The following EPS8L2 variants were observed in gnomAD, a reference collection of about 807,000 sequenced individuals.
EPS8L2 encodes the protein epidermal growth factor receptor kinase substrate 8-like protein 2.
In EPS8L2, 81 loss-of-function variants were observed where a neutral mutation model predicts 99.4. That is an observed-to-expected ratio of 0.82 (90% CI 0.68 to 0.98). The LOEUF is 0.98. Ranked by LOEUF, EPS8L2 falls within the 50% of genes least tolerant of loss-of-function variation. The probability of loss-of-function intolerance (pLI) is 0.00; values close to 1 mark genes in which losing one functional copy is unlikely to be tolerated. For missense variants in EPS8L2, 1,155 were observed against 968.8 expected (o/e 1.19, Z -2.55); for synonymous variants, 509 against 407.3 (o/e 1.25, Z -3.01).
chr11:726,036 C>A (rs1249731337), intron 17 of EPS8L2, 62 bp from the exon 18 acceptor site: 1 of 1,052,162 alleles, frequency 9.5e-7, no homozygotes, highest in Admixed American at 2.5e-5. Flanking sequence ...GGGGAGGTCC[C>A]GGGCAGGTGC....
chr11:711,729 A>T (rs1035877537), intron 4 of EPS8L2, among the ~76,000 whole-genome samples: 3 of 152,104 alleles, frequency 2.0e-5, no homozygotes, highest in African/African-American at 7.2e-5. Flanking sequence ...CACGCCTGTA[A>T]TCCCAGCACT....
intron 4 of EPS8L2, among the ~76,000 whole-genome samples, chr11:714,803 TA>T (rs1469104272): frequency 3.9e-5 from 6 of 152,020 alleles, no homozygotes; most frequent in Non-Finnish European, 5.9e-5. Flanking sequence ...GATGTGGTAA[TA>T]TTGTTGTTAG....
At chr11:723,070 CT>C (rs1365876317) in intron 14 of EPS8L2, among the ~76,000 whole-genome samples, 170 bp from the exon 15 acceptor site, 1 of 133,778 alleles carries the variant, frequency 7.5e-6, no homozygotes, top group African/African-American at 3.0e-5. Flanking sequence ...TCAGCTGCCC[CT>C]AGCCCCTGCC....
At chr11:723,449 AAGT>A in intron 15 of EPS8L2, 96 bp downstream of exon 15, 1 of 533,118 alleles carries the variant, frequency 1.9e-6, no homozygotes, top group Non-Finnish European at 3.3e-6. Context: ...AGGTGGTGGC[AAGT>A]GCATTGTTCA....
At chr11:725,967 C>G in intron 17 of EPS8L2, 120 bp downstream of exon 17, 1 of 1,359,200 alleles carries the variant, frequency 7.4e-7, no homozygotes, top group Non-Finnish European at 9.8e-7. Context: ...GTGCAGGGCT[C>G]CCTGGGCAGA....
intron 12 of EPS8L2, 38 bp downstream of exon 12, chr11:722,203 G>C: frequency 6.3e-7 from 1 of 1,596,408 alleles, no homozygotes; most frequent in South Asian, 1.1e-5. Flanking sequence ...GCAGGGTGGG[G>C]GCCCAGAGGC....
At chr11:718,177 A>G (rs1862069274) in intron 4 of EPS8L2, among the ~76,000 whole-genome samples, 1 of 151,908 alleles carries the variant, frequency 6.6e-6, no homozygotes, top group Admixed American at 6.6e-5. Context: ...TACTAAAAAT[A>G]CAAAAATTAG....
chr11:715,900 A>G (rs577969486), intron 4 of EPS8L2, among the ~76,000 whole-genome samples: 22 of 151,100 alleles, frequency 1.5e-4, no homozygotes, highest in African/African-American at 3.9e-4. Context: ...GATTACAGGC[A>G]TGAGCCACCG....
At chr11:717,211 G>T (rs929569235) in intron 4 of EPS8L2, among the ~76,000 whole-genome samples, 2 of 152,168 alleles carry the variant, frequency 1.3e-5, no homozygotes, top group Non-Finnish European at 1.5e-5. Flanking sequence ...TCCTGACCTT[G>T]TGATCCACCT....
At position 721,356 on chromosome 11, in the gene EPS8L2, G is replaced by T. The variant is rs1395075247; in HGVS notation, c.768+4G>T. On this transcript the variant is annotated splice_donor_region_variant and intron_variant, in intron 9 of 20. Transcript: ENST00000318562. ...TCAGAAGATAGAGAAGGAGACGGTG[G>T]GTGCCCGGGCCCGGCAGGTGGCCCC... 11 of 1,538,346 alleles carry T rather than the reference G, an allele frequency of 7.2e-6. No homozygotes were observed. Among genetic ancestry groups the T allele is most frequent in the Non-Finnish European group, 8.7e-6 (10 of 1,145,716 alleles).
At position 726,931 on chromosome 11, in the gene EPS8L2, C is replaced by T; in HGVS notation, c.2098C>T (p.Leu700Phe). Residue 700 changes from leucine to phenylalanine, a missense_variant, in exon 21 of 21, where the codon CTC becomes TTC. Transcript: ENST00000318562. ...GCAAAGTGGGTCGGAGCTGGAAGAA[C>T]TCATGAACAAGTTTCATTCCATGAA... ...KQQSGSELEE[L>F]MNKFHSMNQR... 6.2e-7 allele frequency: 1 copy of T among 1,613,426 alleles called. No individual in the cohort carries two copies. The highest frequency in any genetic ancestry group is 8.5e-7 in the Non-Finnish European group (1 of 1,179,936).
Position 722,124 on chromosome 11 carries a change from G to A in EPS8L2, c.1018G>A (p.Ala340Thr), listed in dbSNP as rs1365953557. ...GCAGAAGCACATCCAGAACCCCAGC[G>A]CCGCGGAGCTCGTGCACTTCCTCTT... ...KLQKHIQNPS[A>T]AELVHFLFGP... The change falls in exon 12 of 21, where the codon GCC (alanine) becomes ACC (threonine). Residue 340 changes from alanine to threonine, a missense_variant. Coordinates refer to ENST00000318562, the MANE Select transcript of EPS8L2 (RefSeq NM_022772.4). 1.9e-6 allele frequency: 3 copies of A among 1,612,862 alleles called. No homozygotes were observed. The highest frequency in any genetic ancestry group is 3.3e-5 in the Admixed American group (2 of 59,994).
In EPS8L2 at chr11:724,804, C is replaced by T. The variant is rs759877698; in HGVS notation, c.1535C>T (p.Ser512Leu). ...DFTARNANEL[S>L]VLKDEVLEVL... ...ACAGCCCGAAATGCCAACGAGCTAT[C>T]GGTGCTCAAGGATGAGGTCCTAGAG... is the stretch of plus-strand genomic sequence containing the variant. Residue 512 changes from serine to leucine, a missense_variant, in exon 16 of 21, where the codon TCG (serine) becomes TTG (leucine). Transcript: ENST00000318562. The surrounding 1 kb of genome is among the most constrained non-coding windows in gnomAD (Gnocchi z 5.5). The T allele has an allele frequency of 8.7e-6, 14 of 1,613,340 alleles. No individual in the cohort carries two copies. Among genetic ancestry groups the T allele is most frequent in the Non-Finnish European group, 1.2e-5 (14 of 1,179,714 alleles).
rs577218572 is a variant in EPS8L2 at position 720,293 on chromosome 11, C to T, written c.327+70C>T. On this transcript the variant is annotated intron_variant, in intron 5 of 20. Coordinates refer to ENST00000318562, the MANE Select transcript of EPS8L2 (RefSeq NM_022772.4). ...GCGGTGGCAGCCACCGGCTGCAGCC[C>T]GGATGTGCGGCCGGTCCTCTCTGCA... 55 of 1,526,520 alleles carry T rather than the reference C, an allele frequency of 3.6e-5. 1 individual carries two copies. The East Asian group carries it at 5.0e-4, about 14-fold the overall frequency. 94.6% of individuals were successfully genotyped at this position (1,526,520 alleles called of 1,614,324 possible). A position where few individuals can be genotyped will look rare whatever the true frequency, so the allele number is the denominator to read the frequency against.
chr11:725,832 C>A lies in EPS8L2; in HGVS notation c.1665C>A (p.Gly555=). 2 of 1,384,930 alleles carry A rather than the reference C, an allele frequency of 1.4e-6. No individual in the cohort carries two copies. Among genetic ancestry groups the A allele is most frequent in the Non-Finnish European group, 1.9e-6 (2 of 1,074,986 alleles). The allele number at this position is 1,384,930 out of a possible 1,614,324, so 85.8% of individuals were successfully genotyped here. Residue 555 remains glycine, a synonymous_variant, in exon 17 of 21, where the codon GGC becomes GGA. Transcript: ENST00000318562. Reference sequence around the variant, plus strand: ...GCGAGGCGCGACCGGAGGACGCCGGCGCCCCGTTCGAGCAGGTGAGCCCGC... The same window carrying A: ...GCGAGGCGCGACCGGAGGACGCCGGAGCCCCGTTCGAGCAGGTGAGCCCGC... ...ILGEARPEDA[G]APFEQAGQKY...
intron 4 of EPS8L2, among the ~76,000 whole-genome samples, chr11:714,339 C>T (rs942748727): frequency 1.3e-5 from 2 of 151,602 alleles, no homozygotes; most frequent in South Asian, 4.1e-4. Flanking sequence ...AAGCAATTCT[C>T]CTGCCTCAGC....
intron 13 of EPS8L2, 61 bp from the exon 14 acceptor site, chr11:722,612 A>G (rs1010391252): frequency 5.6e-6 from 9 of 1,609,850 alleles, no homozygotes; most frequent in Middle Eastern, 1.6e-4. Flanking sequence ...GGGGCCAGCA[A>G]GGGGGTCCTG....
At chr11:709,153 T>C (rs1564968419) in intron 1 of EPS8L2, 177 bp from the exon 2 acceptor site, 3 of 411,500 alleles carry the variant, frequency 7.3e-6, no homozygotes, top group Admixed American at 4.6e-5. Flanking sequence ...GCTGATCGAC[T>C]GTCAACTGGG....
chr11:720,016 A>G (rs1590052861), intron 4 of EPS8L2, 46 bp from the exon 5 acceptor site: 1 of 1,562,272 alleles, frequency 6.4e-7, no homozygotes, highest in Non-Finnish European at 8.7e-7. Flanking sequence ...TGGGCTTTCG[A>G]CACAAGGAGG....
Sources: allele counts gnomAD v4.1 joint callset (sites outside exome capture counted in the v4.1 genomes callset), GRCh38; gene constraint gnomAD v4.1.1; non-coding constraint Gnocchi (gnomAD v3.1); transcripts MANE v1.5; gene names NCBI Gene and HGNC (gene_info 2026-07-23, HGNC 2026-07-21).